Variants in RBFOX1 observed in about 807,000 individuals in gnomAD.
RBFOX1 encodes the protein RNA binding fox-1 homolog 1.
Under a neutral mutation model 57.7 loss-of-function variants are expected in RBFOX1, and 8 were observed. The observed-to-expected ratio is 0.14, with a 90% confidence interval of 0.08 to 0.25. The LOEUF (loss-of-function observed/expected upper bound fraction) is 0.25. RBFOX1 is among the 10% of genes least tolerant of loss of function. The probability of loss-of-function intolerance (pLI) is 1.00; values close to 1 mark genes in which losing one functional copy is unlikely to be tolerated. For missense variants in RBFOX1, 611 were observed against 548.5 expected (o/e 1.11, Z -1.14); for synonymous variants, 326 against 222.4 (o/e 1.47, Z -4.15).
chr16:6,417,243 C>G (rs1427458816), intron 2 of RBFOX1, among the ~76,000 whole-genome samples: 1 of 151,876 alleles, frequency 6.6e-6, no homozygotes, highest in Non-Finnish European at 1.5e-5. Context: ...AACTCCTAAC[C>G]TCATGATCCA....
chr16:5,630,737 C>T (rs535467335), intron 3 of RBFOX1, among the ~76,000 whole-genome samples: 67 of 152,216 alleles, frequency 4.4e-4, no homozygotes, highest in African/African-American at 1.5e-3. Context: ...CATACCCAGG[C>T]AGTATCTGGA....
At chr16:6,024,939 G>C (rs573917368) in intron 1 of RBFOX1, among the ~76,000 whole-genome samples, 1 of 152,202 alleles carries the variant, frequency 6.6e-6, no homozygotes, top group African/African-American at 2.4e-5. Context: ...TGCATGGAGG[G>C]CGTTTCAGAG....
chr16:6,993,586 A>G (rs1360027464), intron 3 of RBFOX1, among the ~76,000 whole-genome samples: 1 of 152,154 alleles, frequency 6.6e-6, no homozygotes, highest in East Asian at 1.9e-4. Flanking sequence ...GTGGTGCTGC[A>G]ACATATGGAG....
chr16:6,618,580 C>A (rs1232468321), intron 2 of RBFOX1, among the ~76,000 whole-genome samples: 1 of 152,138 alleles, frequency 6.6e-6, no homozygotes, highest in East Asian at 1.9e-4. Context: ...ATACTCGTTT[C>A]GAGGAGGAGA....
chr16:6,401,021 G>A (rs2093047291), intron 2 of RBFOX1, among the ~76,000 whole-genome samples: 1 of 152,144 alleles, frequency 6.6e-6, no homozygotes, highest in African/African-American at 2.4e-5. Flanking sequence ...AACTCCAGGA[G>A]TAATCAGCAC....
chr16:5,264,346 G>A (rs2062808804), intron 1 of RBFOX1, among the ~76,000 whole-genome samples: 1 of 152,132 alleles, frequency 6.6e-6, no homozygotes, highest in African/African-American at 2.4e-5. Context: ...GGTCACCCTG[G>A]CCCTGCTAAG....
rs567936760 is a variant in RBFOX1 at position 5,432,033 on chromosome 16, G to T, written c.220-35183G>T. Among the ~76,000 whole-genome samples, 18 of 152,178 alleles carry T rather than the reference G, an allele frequency of 1.2e-4. No homozygotes were observed. The South Asian group carries it at 1.7e-3, about 14-fold the overall frequency. On this transcript the variant is annotated intron_variant, in intron 1 of 2. Transcript: ENST00000585867. Reference sequence around the variant, plus strand: ...AAGGAGGTAAATTGTGGCCACAGTTGGTTCTCTCCTGGAGGTAATAAAGAC... The same window carrying T: ...AAGGAGGTAAATTGTGGCCACAGTTTGTTCTCTCCTGGAGGTAATAAAGAC...
chr16:5,380,231 C>G (rs1259256782), intron 1 of RBFOX1, among the ~76,000 whole-genome samples: 1 of 152,152 alleles, frequency 6.6e-6, no homozygotes, highest in African/African-American at 2.4e-5. Context: ...TGGAGTTTGG[C>G]TGCCTTTGCA....
chr16:5,625,135 C>G (rs995340645), intron 3 of RBFOX1, among the ~76,000 whole-genome samples: 2 of 152,170 alleles, frequency 1.3e-5, no homozygotes, highest in Admixed American at 6.5e-5. Flanking sequence ...AGCCATCTTT[C>G]TCTTTCTTAC....
At chr16:7,343,466 G>A (rs2096935883) in intron 4 of RBFOX1, among the ~76,000 whole-genome samples, 1 of 152,186 alleles carries the variant, frequency 6.6e-6, no homozygotes, top group Non-Finnish European at 1.5e-5. Context: ...CAAGGGCTTT[G>A]TTGAGGTTTA....
intron 3 of RBFOX1, among the ~76,000 whole-genome samples, chr16:7,019,984 T>TA (rs2153670130): frequency 6.6e-6 from 1 of 151,966 alleles, no homozygotes; most frequent in East Asian, 1.9e-4. Context: ...TCTCTCTTTT[T>TA]TTTTTTTTTC....
At chr16:7,316,235 T>A (rs1039217439) in intron 4 of RBFOX1, among the ~76,000 whole-genome samples, 1 of 152,218 alleles carries the variant, frequency 6.6e-6, no homozygotes, top group African/African-American at 2.4e-5. Flanking sequence ...GCAGTTACTA[T>A]ATTACATAAG....
chr16:5,488,426 A>G (rs982588237), intron 2 of RBFOX1, among the ~76,000 whole-genome samples: 1 of 150,542 alleles, frequency 6.6e-6, no homozygotes, highest in Non-Finnish European at 1.5e-5. Context: ...ATAATGGAGG[A>G]TTATGGTGAT....
intron 4 of RBFOX1, among the ~76,000 whole-genome samples, chr16:7,238,252 T>C (rs1307393433): frequency 6.6e-6 from 1 of 152,108 alleles, no homozygotes; most frequent in Non-Finnish European, 1.5e-5. Flanking sequence ...AAAAGAGTTC[T>C]GGAGATGAAT....
chr16:6,502,451 C>T (rs570173274), intron 2 of RBFOX1, among the ~76,000 whole-genome samples: 20 of 152,260 alleles, frequency 1.3e-4, no homozygotes, highest in South Asian at 8.3e-4. Flanking sequence ...CTCTTTAAGT[C>T]TCAGTTTGCT....
intron 4 of RBFOX1, among the ~76,000 whole-genome samples, chr16:6,001,328 G>T (rs557525110): frequency 1.2e-4 from 18 of 152,262 alleles, no homozygotes; most frequent in Non-Finnish European, 2.2e-4. Flanking sequence ...CTGGCATAAA[G>T]ACACTAGGAT....
chr16:5,523,068 A>T (rs1313811970), intron 2 of RBFOX1, among the ~76,000 whole-genome samples: 1 of 152,154 alleles, frequency 6.6e-6, no homozygotes, highest in African/African-American at 2.4e-5. Flanking sequence ...TGGGTGGATC[A>T]CAAGGTCAGG....
chr16:5,515,340 C>A (rs2043752728), intron 2 of RBFOX1, among the ~76,000 whole-genome samples: 1 of 152,222 alleles, frequency 6.6e-6, no homozygotes, highest in South Asian at 2.1e-4. Context: ...TGCAAAGCCC[C>A]CACCTCACTG....
chr16:6,897,230 T>C (rs980405990), intron 3 of RBFOX1, among the ~76,000 whole-genome samples: 3 of 152,070 alleles, frequency 2.0e-5, no homozygotes, highest in African/African-American at 7.2e-5. Context: ...TAAGATAGAG[T>C]AGAAAATATT....
Sources: gnomAD v4.1 joint callset for allele counts (sites outside exome capture counted in the v4.1 genomes callset) on GRCh38, gnomAD v4.1.1 for gene constraint, MANE v1.5 for transcripts, NCBI Gene and HGNC (gene_info 2026-07-23, HGNC 2026-07-21) for gene names.